Variants in CHD1L observed in about 807,000 individuals in gnomAD.
CHD1L encodes ATP-dependent chromatin remodeler CHD1L.
A neutral mutation model predicts 115.9 loss-of-function variants in CHD1L; 118 were observed. That is an observed-to-expected ratio of 1.02 (90% CI 0.88 to 1.19). The LOEUF (loss-of-function observed/expected upper bound fraction) is 1.19, where lower values mean the gene tolerates loss of function less well. CHD1L is among the 50% of genes most tolerant of loss of function. CHD1L has a pLI of 0.00. For missense variants in CHD1L, 1,179 were observed against 1,065.3 expected, an observed-to-expected ratio of 1.11 and a Z score of -1.49; for synonymous variants, 411 against 387.1, an observed-to-expected ratio of 1.06 and a Z score of -0.72.
chr1:147,174,515 G>T, the CHD1L span: 1 of 152,208 alleles, frequency 6.6e-6, no homozygotes, highest in Non-Finnish European at 1.5e-5. Flanking sequence ...AAATGGAAAT[G>T]ACTTTTGAAT....
intron 14 of CHD1L, among the ~76,000 whole-genome samples, chr1:147,277,919 G>A (rs1239541193): frequency 6.6e-6 from 1 of 152,082 alleles, no homozygotes; most frequent in Non-Finnish European, 1.5e-5. Context: ...AGCGCCAGGG[G>A]TCCAATGAGG....
Position 147,242,819 on chromosome 1 carries a change from G to A in CHD1L, c.116G>A (p.Trp39Ter). 7.8e-7 allele frequency: 1 copy of A among 1,278,614 alleles called. No homozygotes were observed. Among genetic ancestry groups the A allele is most frequent in the Admixed American group, 3.7e-5 (1 of 27,218 alleles). The allele number at this position is 1,278,614 out of a possible 1,614,324, so 79.2% of individuals were successfully genotyped here. ...ARVQEQDLRQ[W>*]GLTGIHLRSY... ...GTGCAGGAGCAGGACTTACGGCAGTGGGGGCTGACAGGTGAGCGGGCTCCG... is the reference window on the plus strand; with the variant it reads ...GTGCAGGAGCAGGACTTACGGCAGTAGGGGCTGACAGGTGAGCGGGCTCCG... Residue 39 changes from tryptophan to a stop codon, truncating the protein, a stop_gained, in exon 1 of 23, where the codon TGG (tryptophan) becomes TAG (stop). Transcript: ENST00000369258. LOFTEE classifies it high-confidence loss of function.
At chr1:147,286,265 G>T (rs782283817) in intron 17 of CHD1L, 33 bp from the exon 18 acceptor site, 2 of 1,600,540 alleles carry the variant, frequency 1.2e-6, no homozygotes, top group Admixed American at 3.4e-5. Flanking sequence ...TGATTGTCTG[G>T]GTTAATTTCC....
At chr1:147,203,670 G>C in the CHD1L span, 2 of 1,451,372 alleles carry the variant, frequency 1.4e-6, no homozygotes, top group Admixed American at 3.4e-5. Context: ...GATGTGATCT[G>C]TTTGGCTAAT....
At position 147,252,664 on chromosome 1, in the gene CHD1L, C is replaced by T. The variant is rs1553937244; in HGVS notation, c.169C>T (p.Leu57Phe). The change falls in exon 2 of 23, where the codon CTC becomes TTC. Residue 57 changes from leucine (L) to phenylalanine (F), a missense_variant. Transcript: ENST00000369258. Reference sequence around the variant, plus strand: ...TTACCAGCTGGAGGGAGTAAACTGGCTCGCCCAGCGCTTCCATTGTCAGAA... The same window carrying T: ...TTACCAGCTGGAGGGAGTAAACTGGTTCGCCCAGCGCTTCCATTGTCAGAA... ...RSYQLEGVNW[L>F]AQRFHCQNGC... 1 of 1,614,106 alleles carries T rather than the reference C, an allele frequency of 6.2e-7. No individual in the cohort carries two copies. The highest frequency in any genetic ancestry group is 2.2e-5 in the East Asian group (1 of 44,874).
chr1:147,213,087 C>T, the CHD1L span, among the ~76,000 whole-genome samples: 1 of 152,126 alleles, frequency 6.6e-6, no homozygotes, highest in Non-Finnish European at 1.5e-5. Flanking sequence ...TGACTAAAGT[C>T]ATTGTAAAAC....
At chr1:147,248,132 TA>T (rs1667208112) in intron 1 of CHD1L, among the ~76,000 whole-genome samples, 1 of 152,242 alleles carries the variant, frequency 6.6e-6, no homozygotes, top group Admixed American at 6.5e-5. Context: ...ACTTTTCACT[TA>T]TTTAATTATT....
upstream of CHD1L, among the ~76,000 whole-genome samples, chr1:147,241,994 C>T (rs1553931180): frequency 6.6e-6 from 1 of 152,102 alleles, no homozygotes; most frequent in East Asian, 1.9e-4. Context: ...AGAACTTCAT[C>T]AATAAATGCA....
the CHD1L span, among the ~76,000 whole-genome samples, chr1:147,223,158 G>A: frequency 6.6e-6 from 1 of 152,170 alleles, no homozygotes; most frequent in Non-Finnish European, 1.5e-5. Flanking sequence ...CAGAAATAAG[G>A]TTTGAGCCTA....
the CHD1L span, among the ~76,000 whole-genome samples, chr1:147,189,701 C>G: frequency 6.6e-6 from 1 of 152,206 alleles, no homozygotes; most frequent in East Asian, 1.9e-4. Context: ...AGTGACTATT[C>G]ATACCATGAG....
At chr1:147,285,075 ACT>A (rs1314162231) in intron 16 of CHD1L, among the ~76,000 whole-genome samples, 1 of 152,180 alleles carries the variant, frequency 6.6e-6, no homozygotes, top group Non-Finnish European at 1.5e-5. Flanking sequence ...AATCAAAATG[ACT>A]GTTTCAACCA....
intron 6 of CHD1L, among the ~76,000 whole-genome samples, chr1:147,262,204 A>C (rs1282078376): frequency 6.6e-6 from 1 of 151,730 alleles, no homozygotes; most frequent in Non-Finnish European, 1.5e-5. Context: ...TCAAAAAAAA[A>C]AAAAAAAATA....
intron 8 of CHD1L, among the ~76,000 whole-genome samples, 184 bp from the exon 9 acceptor site, chr1:147,267,242 G>A (rs918669042): frequency 6.6e-6 from 1 of 152,186 alleles, no homozygotes; most frequent in Non-Finnish European, 1.5e-5. Flanking sequence ...CAAAATGGTT[G>A]AGAAAATTTT....
At chr1:147,254,572 A>G (rs1479329313) in intron 2 of CHD1L, among the ~76,000 whole-genome samples, 1 of 152,064 alleles carries the variant, frequency 6.6e-6, no homozygotes, top group South Asian at 2.1e-4. Flanking sequence ...ATTGATTTCT[A>G]TTGTCTTTCC....
chr1:147,263,428 C>CAAA lies in CHD1L; in HGVS notation c.577-979_577-977dup, dbSNP rs587643353. Among the ~76,000 whole-genome samples, 397 of 124,320 alleles carry CAAA rather than the reference C, an allele frequency of 3.2e-3. 4 individuals are homozygous for CAAA. The highest frequency in any genetic ancestry group is 0.013 in the East Asian group (54 of 4,312). 81.6% of individuals were successfully genotyped at this position (124,320 alleles called of 152,430 possible). A position where few individuals can be genotyped will look rare whatever the true frequency, so the allele number is the denominator to read the frequency against. On this transcript the variant is annotated intron_variant, in intron 6 of 22. Coordinates refer to ENST00000369258, the MANE Select transcript of CHD1L (RefSeq NM_004284.6). ...TGGGTGACAGAGCAAGACCCTGTCT[C>CAAA]AAAAAAAAAAAAAAAAAGATATACA...
chr1:147,201,085 A>T, the CHD1L span: 1 of 1,138,816 alleles, frequency 8.8e-7, no homozygotes, highest in Non-Finnish European at 1.3e-6. Context: ...CTATTTAAAA[A>T]CAAGTACCTA....
chr1:147,188,174 C>T, the CHD1L span, among the ~76,000 whole-genome samples: 16 of 152,052 alleles, frequency 1.1e-4, no homozygotes, highest in Non-Finnish European at 1.8e-4. Context: ...AATATGTTGG[C>T]TCAAGAGTTT....
chr1:147,280,075 G>A lies in CHD1L; in HGVS notation c.1589G>A (p.Gly530Glu), dbSNP rs1553960758. The stretch of plus-strand genomic sequence containing the variant: ...TTGGATAAACTGCTGGCCTCTGAGG[G>A]GAGCACCATGGATGAAATAGACCTG... ...FGLDKLLASE[G>E]STMDEIDLES... The change falls in exon 15 of 23, where the codon GGG (glycine) becomes GAG (glutamate). Residue 530 changes from glycine to glutamate, a missense_variant. By Grantham distance (98) the Gly-to-Glu change is moderately conservative (BLOSUM62 -2). Transcript: ENST00000369258. 8.1e-6 allele frequency: 13 copies of A among 1,614,054 alleles called. No homozygotes were observed. In the East Asian group the frequency reaches 2.9e-4, roughly 36 times the overall value.
chr1:147,285,464 GGAA>G lies in CHD1L; in HGVS notation c.1998_2000del (p.Glu667del), dbSNP rs782212502. 10 of 1,612,528 alleles carry G rather than the reference GGAA, an allele frequency of 6.2e-6. No individual in the cohort carries two copies. The highest frequency in any genetic ancestry group is 3.4e-4 in the Middle Eastern group (2 of 5,814). ...TCATAGAGGAGAAGAAGAGGCAAAA[GGAA>G]GAGGCTGAACATAAGAAAAAGTATG... On this transcript the variant is annotated inframe_deletion, in exon 17 of 23. Coordinates refer to ENST00000369258, the MANE Select transcript of CHD1L (RefSeq NM_004284.6).
Sources: gnomAD v4.1 joint callset for allele counts (sites outside exome capture counted in the v4.1 genomes callset) on GRCh38, gnomAD v4.1.1 for gene constraint, MANE v1.5 for transcripts, NCBI Gene and HGNC (gene_info 2026-07-23, HGNC 2026-07-21) for gene names.